DPF3: variants seen among roughly 807,000 people sequenced by gnomAD.
DPF3 encodes the protein zinc finger protein DPF3.
In DPF3, 18 loss-of-function variants were observed where a neutral mutation model predicts 56.8. The observed-to-expected ratio is 0.32, with a 90% CI of 0.22 to 0.47. The LOEUF (loss-of-function observed/expected upper bound fraction) is 0.47, where lower values mean the gene tolerates loss of function less well. DPF3 is among the 20% of genes least tolerant of loss of function. DPF3 has a pLI of 1.00. For synonymous variants in DPF3, 188 were observed against 180.2 expected (o/e 1.04, Z -0.35); for missense variants, 403 against 488.8 (o/e 0.82, Z 1.65).
intron 1 of DPF3, among the ~76,000 whole-genome samples, chr14:72,798,715 C>T (rs1018185158): frequency 2.0e-5 from 3 of 152,230 alleles, no homozygotes; most frequent in Non-Finnish European, 4.4e-5. Flanking sequence ...AGAAGCTCCA[C>T]ACTCCAAGTA....
intron 8 of DPF3, among the ~76,000 whole-genome samples, chr14:72,634,158 A>G (rs941120877): frequency 6.6e-6 from 1 of 152,174 alleles, no homozygotes; most frequent in African/African-American, 2.4e-5. Flanking sequence ...ACTCAAGCGC[A>G]AGAAGAAAGT....
At chr14:72,708,911 G>C (rs534534422) in intron 6 of DPF3, among the ~76,000 whole-genome samples, 1 of 152,320 alleles carries the variant, frequency 6.6e-6, no homozygotes, top group South Asian at 2.1e-4. Flanking sequence ...AAGGAGTGCT[G>C]ATCAGGGCAG....
intron 4 of DPF3, among the ~76,000 whole-genome samples, chr14:72,725,362 A>C (rs1297123367): frequency 1.3e-5 from 2 of 152,146 alleles, no homozygotes; most frequent in African/African-American, 4.8e-5. Context: ...GGAGGCCTAC[A>C]TGAGAACATG....
chr14:72,785,124 A>AAAAAAAT (rs1892157022), intron 1 of DPF3, among the ~76,000 whole-genome samples: 1 of 152,124 alleles, frequency 6.6e-6, no homozygotes. Context: ...CCGTCTCTAC[A>AAAAAAAT]AAAAAATAAA....
intron 8 of DPF3, among the ~76,000 whole-genome samples, chr14:72,665,157 T>C (rs1313843942): frequency 2.0e-5 from 3 of 152,142 alleles, no homozygotes; most frequent in African/African-American, 7.2e-5. Flanking sequence ...CTGAGATCCA[T>C]GGCAAAAATA....
chr14:72,884,893 G>A (rs576796344), intron 1 of DPF3, among the ~76,000 whole-genome samples: 77 of 132,478 alleles, frequency 5.8e-4, no homozygotes, highest in African/African-American at 1.9e-3. Flanking sequence ...TCAGGAGATC[G>A]AGACCGTCCT....
chr14:72,648,476 G>C (rs926479060), intron 8 of DPF3, among the ~76,000 whole-genome samples: 2 of 151,042 alleles, frequency 1.3e-5, no homozygotes, highest in African/African-American at 4.9e-5. Context: ...TGGGAGGATT[G>C]CTTGAAACCA....
rs74062333 is a variant in DPF3 at position 72,661,283 on chromosome 14, G to C, written c.871+12957C>G. 1,717 of 985,112 alleles carry C rather than the reference G, an allele frequency of 1.7e-3. 26 individuals carry two copies. The African/African-American group carries it at 0.028, about 16-fold the overall frequency. The allele number at this position is 985,112 out of a possible 1,614,324, so 61.0% of individuals were successfully genotyped here. A position where few individuals can be genotyped will look rare whatever the true frequency, so the allele number is the denominator to read the frequency against. On this transcript the variant is annotated intron_variant, in intron 8 of 10. Transcript: ENST00000556509. Reference sequence around the variant, plus strand: ...CTCTCGGTGATCCCCTCCACCAACAGGACTGGCTTTGAACAGGAAACCTGA... The same window carrying C: ...CTCTCGGTGATCCCCTCCACCAACACGACTGGCTTTGAACAGGAAACCTGA...
At chr14:72,714,584 A>G (rs1599378887) in intron 5 of DPF3, 83 bp from the exon 6 acceptor site, 10 of 1,503,988 alleles carry the variant, frequency 6.6e-6, no homozygotes, top group Non-Finnish European at 8.2e-6. Context: ...AGCTCCTTAC[A>G]CCGTCTTCAT....
At chr14:72,722,851 C>T (rs113893598) in intron 5 of DPF3, among the ~76,000 whole-genome samples, 11 of 152,278 alleles carry the variant, frequency 7.2e-5, no homozygotes, top group African/African-American at 2.6e-4. Context: ...GTTTTTATTC[C>T]TTCCACCTGG....
At chr14:72,691,936 T>C (rs375860040) in intron 7 of DPF3, among the ~76,000 whole-genome samples, 6 of 152,260 alleles carry the variant, frequency 3.9e-5, no homozygotes, top group East Asian at 3.9e-4. Context: ...ACCCCATCTG[T>C]GGGGTTTTCT....
intron 3 of DPF3, among the ~76,000 whole-genome samples, chr14:72,732,347 G>A (rs1889695121): frequency 6.6e-6 from 1 of 152,208 alleles, no homozygotes; most frequent in African/African-American, 2.4e-5. Flanking sequence ...GCGGGAAAGT[G>A]TTTCAAAAAC....
At chr14:72,863,096 ATATATG>A (rs1408734436) in intron 1 of DPF3, among the ~76,000 whole-genome samples, 3 of 92,640 alleles carry the variant, frequency 3.2e-5, no homozygotes, top group African/African-American at 1.2e-4. Flanking sequence ...ATATATATAT[ATATATG>A]TGTGTGTATA....
chr14:72,698,207 G>A (rs903734592), intron 6 of DPF3, among the ~76,000 whole-genome samples: 1 of 152,172 alleles, frequency 6.6e-6, no homozygotes, highest in African/African-American at 2.4e-5. Context: ...TGATTTTTCA[G>A]CTTTACAATG....
chr14:72,695,885 T>C (rs879447784), intron 6 of DPF3, among the ~76,000 whole-genome samples: 1 of 152,182 alleles, frequency 6.6e-6, no homozygotes, highest in Non-Finnish European at 1.5e-5. Context: ...TACATTCATA[T>C]ATTCTCTCTT....
intron 9 of DPF3, among the ~76,000 whole-genome samples, chr14:72,624,333 C>CTTTTTTTTTTTTTTT (rs55820708): frequency 2.8e-4 from 27 of 97,802 alleles, no homozygotes; most frequent in African/African-American, 9.7e-4. Context: ...ACCTATGTCT[C>CTTTTTTTTTTTTTTT]TTTTTTTTTT....
intron 1 of DPF3, among the ~76,000 whole-genome samples, chr14:72,821,506 C>A (rs574866812): frequency 6.7e-6 from 1 of 150,006 alleles, no homozygotes; most frequent in South Asian, 2.2e-4. Flanking sequence ...GTTGAGTAAA[C>A]GCTGGCATCA....
At position 72,618,617 on chromosome 14, in the gene DPF3, T is replaced by G. The variant is rs1337845852; in HGVS notation, c.*680A>C. Among the ~76,000 whole-genome samples the G allele has an allele frequency of 6.6e-6, 1 of 152,086 alleles. No individual in the cohort carries two copies. Among genetic ancestry groups the G allele is most frequent in the Non-Finnish European group, 1.5e-5 (1 of 68,018 alleles). On this transcript the variant is annotated 3_prime_UTR_variant, in exon 11 of 11. Coordinates refer to ENST00000556509, the MANE Select transcript of DPF3 (RefSeq NM_001280542.3). ...GGGCCTTGGCACCATTTCCACAATG[T>G]TTCCTCCCATGTCTCTGCGCGTCTC... is the stretch of plus-strand genomic sequence containing the variant.
Position 72,615,914 on chromosome 14 carries a change from G to A in DPF3, c.*3383C>T, listed in dbSNP as rs1008211893. On this transcript the variant is annotated 3_prime_UTR_variant, in exon 11 of 11. Transcript: ENST00000556509. ...TTTCCACTTCCGGTTGGGTCTGGCAGCCTCACCTCTCTGGTTTGCTGGAGC... is the reference window on the plus strand; with the variant it reads ...TTTCCACTTCCGGTTGGGTCTGGCAACCTCACCTCTCTGGTTTGCTGGAGC... 1.3e-5 allele frequency among the ~76,000 whole-genome samples: 2 copies of A among 152,260 alleles called. No homozygotes were observed. Among genetic ancestry groups the A allele is most frequent in the Admixed American group, 1.3e-4 (2 of 15,294 alleles).
Sources: gnomAD v4.1 joint callset for allele counts (sites outside exome capture counted in the v4.1 genomes callset) on GRCh38, gnomAD v4.1.1 for gene constraint, MANE v1.5 for transcripts, NCBI Gene and HGNC (gene_info 2026-07-23, HGNC 2026-07-21) for gene names.